The following HTR4 variants were observed in gnomAD, a reference collection of about 807,000 sequenced individuals.
The protein encoded by HTR4 is 5-hydroxytryptamine receptor 4, also known as 5-hydroxytryptamine (serotonin) receptor 4, G protein-coupled.
Under a neutral mutation model 36.8 loss-of-function variants are expected in HTR4, and 16 were observed. That is an observed-to-expected ratio of 0.43 (90% CI 0.29 to 0.66). The LOEUF is 0.66. Ranked by LOEUF, HTR4 falls within the 30% of genes least tolerant of loss-of-function variation. HTR4 has a pLI of 0.13. For missense variants in HTR4, 438 were observed against 490.9 expected (o/e 0.89, Z 1.02); for synonymous variants, 189 against 185.1 (o/e 1.02, Z -0.17).
intron 2 of HTR4, among the ~76,000 whole-genome samples, chr5:148,611,699 G>A (rs1752436008): frequency 6.6e-6 from 1 of 151,364 alleles, no homozygotes; most frequent in African/African-American, 2.4e-5. Context: ...AATGTAAATG[G>A]ACTAAATGCT....
At chr5:148,611,698 G>A (rs1320306314) in intron 2 of HTR4, among the ~76,000 whole-genome samples, 2 of 151,342 alleles carry the variant, frequency 1.3e-5, no homozygotes, top group African/African-American at 4.9e-5. Context: ...AAATGTAAAT[G>A]GACTAAATGC....
intron 5 of HTR4, among the ~76,000 whole-genome samples, chr5:148,456,596 C>T (rs1755107820): frequency 6.6e-6 from 1 of 152,180 alleles, no homozygotes. Context: ...TGAAAGTGAA[C>T]ATCTACAAAT....
chr5:148,521,578 TC>T (rs35222371), intron 5 of HTR4, among the ~76,000 whole-genome samples: 38,726 of 151,682 alleles, frequency 0.26, 5,756 homozygotes, highest in Non-Finnish European at 0.34. Flanking sequence ...TGACTGTAGA[TC>T]TTGTTACTGG....
chr5:148,476,823 A>G, downstream of HTR4: 10 of 1,605,770 alleles, frequency 6.2e-6, no homozygotes, highest in Non-Finnish European at 8.5e-6. Context: ...GAGAAGAACA[A>G]ATAAAATGTT....
At chr5:148,525,410 T>C (rs1010400266) in intron 4 of HTR4, among the ~76,000 whole-genome samples, 1 of 152,240 alleles carries the variant, frequency 6.6e-6, no homozygotes, top group African/African-American at 2.4e-5. Flanking sequence ...TTCCTTTCTC[T>C]TGTTAATAGC....
chr5:148,505,745 C>A (rs1757166265), intron 6 of HTR4, among the ~76,000 whole-genome samples: 1 of 151,986 alleles, frequency 6.6e-6, no homozygotes, highest in African/African-American at 2.4e-5. Flanking sequence ...AAACAGAGGG[C>A]CAAATCATGA....
Position 148,481,978 on chromosome 5 carries a change from T to G in HTR4, c.*1225A>C. 1 of 1,025,434 alleles carries G rather than the reference T, an allele frequency of 9.8e-7. No individual in the cohort carries two copies. Among genetic ancestry groups the G allele is most frequent in the East Asian group, 8.9e-5 (1 of 11,270 alleles). The allele number at this position is 1,025,434 out of a possible 1,614,324, so 63.5% of individuals were successfully genotyped here. ...GTAGCAGACGGCTATAGCAGCATACTGTTGTCTTAGAAACAGAAAGAAAAC... is the reference window on the plus strand; with the variant it reads ...GTAGCAGACGGCTATAGCAGCATACGGTTGTCTTAGAAACAGAAAGAAAAC... On this transcript the variant is annotated 3_prime_UTR_variant, in exon 7 of 7. Transcript: ENST00000377888.
intron 6 of HTR4, among the ~76,000 whole-genome samples, chr5:148,492,851 C>A (rs1756516747): frequency 6.6e-6 from 1 of 152,202 alleles, no homozygotes; most frequent in Non-Finnish European, 1.5e-5. Context: ...GATTCCAGCA[C>A]CTGCAGCCAT....
intron 5 of HTR4, among the ~76,000 whole-genome samples, chr5:148,457,473 G>A (rs1755127634): frequency 6.6e-6 from 1 of 151,632 alleles, no homozygotes; most frequent in Non-Finnish European, 1.5e-5. Flanking sequence ...GTAATTAGTA[G>A]CGTAATAATA....
chr5:148,509,273 C>T (rs1011955197), intron 6 of HTR4, 183 bp downstream of exon 6: 2 of 527,732 alleles, frequency 3.8e-6, no homozygotes, highest in African/African-American at 3.8e-5. Context: ...AAGTCAATCT[C>T]CCTCCAGAGC....
At chr5:148,602,137 T>C (rs1259196748) in intron 2 of HTR4, among the ~76,000 whole-genome samples, 1 of 152,134 alleles carries the variant, frequency 6.6e-6, no homozygotes, top group East Asian at 1.9e-4. Flanking sequence ...TAAGTGTTCT[T>C]ACCACAAAAT....
chr5:148,584,411 C>T (rs568665295), intron 2 of HTR4, among the ~76,000 whole-genome samples: 3 of 152,216 alleles, frequency 2.0e-5, no homozygotes, highest in South Asian at 2.1e-4. Flanking sequence ...TTTATGACCT[C>T]CAAAGCTCTG....
At chr5:148,620,010 C>A (rs1397212733) in intron 2 of HTR4, among the ~76,000 whole-genome samples, 1 of 152,016 alleles carries the variant, frequency 6.6e-6, no homozygotes, top group Admixed American at 6.6e-5. Context: ...AATAGACAAG[C>A]CGAGTTTGAG....
In HTR4 at chr5:148,644,422, G is replaced by GTTTTTTTTTT. The variant is rs1175588280; in HGVS notation, c.-47-7371_-47-7362dup. Among the ~76,000 whole-genome samples the GTTTTTTTTTT allele has an allele frequency of 3.2e-4, 13 of 40,616 alleles. 4 individuals are homozygous for GTTTTTTTTTT. Among genetic ancestry groups the GTTTTTTTTTT allele is most frequent in the South Asian group, 1.8e-3 (2 of 1,082 alleles). 26.6% of individuals were successfully genotyped at this position (40,616 alleles called of 152,430 possible). A position where few individuals can be genotyped will look rare whatever the true frequency, so the allele number is the denominator to read the frequency against. On this transcript the variant is annotated intron_variant, in intron 1 of 6. Transcript: ENST00000377888. Reference sequence around the variant, plus strand: ...AGATGAATAGGTCTCAAGCTCACAAGTTTTTTTTTTTTTTTTTTTTTTTTT... The same window carrying GTTTTTTTTTT: ...AGATGAATAGGTCTCAAGCTCACAAGTTTTTTTTTTTTTTTTTTTTTTTTTTTTTTTTTTT...
rs200456599 is a variant in HTR4, at chr5:148,548,802, C to T, written c.219G>A (p.Val73=). 8.7e-6 allele frequency: 14 copies of T among 1,614,084 alleles called. No individual in the cohort carries two copies. The Middle Eastern group carries it at 4.9e-4, about 57-fold the overall frequency. The stretch of plus-strand genomic sequence containing the variant: ...CCAGCTCAATGGCACCAAAGGGCAT[C>T]ACCAGCACCGAAACCAGCAGATCCG... ...AFADLLVSVL[V]MPFGAIELVQ... Residue 73 remains valine (V), a synonymous_variant, in exon 4 of 7, where the codon GTG becomes GTA. Coordinates refer to ENST00000377888, the MANE Select transcript of HTR4 (RefSeq NM_000870.7).
At chr5:148,638,698 C>G (rs187268358) in intron 1 of HTR4, among the ~76,000 whole-genome samples, 325 of 152,262 alleles carry the variant, frequency 2.1e-3, no homozygotes, top group South Asian at 0.013. Context: ...GTGGTTCAGA[C>G]CAGAAAAACT....
Position 148,654,481 on chromosome 5 carries a change from C to T in HTR4, c.-467G>A, listed in dbSNP as rs112741102. 1 of 985,480 alleles carries T rather than the reference C, an allele frequency of 1.0e-6. No homozygotes were observed. The highest frequency in any genetic ancestry group is 1.7e-5 in the African/African-American group (1 of 57,256). 61.0% of individuals were successfully genotyped at this position (985,480 alleles called of 1,614,324 possible). A position where few individuals can be genotyped will look rare whatever the true frequency, so the allele number is the denominator to read the frequency against. ...GCGGGCTGGAGCGATCTCACCCGTT[C>T]CGGGCTGGCCAGCACGCGCCCTCCC... On this transcript the variant is annotated 5_prime_UTR_variant, in exon 1 of 7. Transcript: ENST00000377888.
intron 6 of HTR4, among the ~76,000 whole-genome samples, chr5:148,497,621 T>C (rs1414107963): frequency 6.6e-6 from 1 of 152,184 alleles, no homozygotes; most frequent in Non-Finnish European, 1.5e-5. Context: ...ATGTGCACTA[T>C]GGGTTTCCTA....
At chr5:148,468,121 T>C (rs777882231) in intron 5 of HTR4, among the ~76,000 whole-genome samples, 7 of 152,178 alleles carry the variant, frequency 4.6e-5, no homozygotes, top group Admixed American at 1.3e-4. Context: ...CAGGTGGCTG[T>C]TGTGTTAGCT....
Sources: gnomAD v4.1 joint callset for allele counts (sites outside exome capture counted in the v4.1 genomes callset) on GRCh38, gnomAD v4.1.1 for gene constraint, MANE v1.5 for transcripts, NCBI Gene and HGNC (gene_info 2026-07-23, HGNC 2026-07-21) for gene names.